The following ANKFY1 variants were observed in gnomAD, a reference collection of about 807,000 sequenced individuals.
ANKFY1 encodes the protein ankyrin repeat and FYVE domain containing 1.
ANKFY1 carries 47 observed loss-of-function variants against 128.3 expected under a neutral mutation model. That is an observed-to-expected ratio of 0.37 (90% CI 0.29 to 0.47). ANKFY1 has a LOEUF of 0.47. Ranked by LOEUF, ANKFY1 falls within the 20% of genes least tolerant of loss-of-function variation. The probability of loss-of-function intolerance (pLI) is 1.00; values close to 1 mark genes in which losing one functional copy is unlikely to be tolerated. For synonymous variants in ANKFY1, 553 were observed against 601.6 expected (o/e 0.92, Z 1.18); for missense variants, 1,222 against 1,510.6 (o/e 0.81, Z 3.17).
At chr17:4,211,667 A>G (rs2060133348) in intron 4 of ANKFY1, among the ~76,000 whole-genome samples, 1 of 151,416 alleles carries the variant, frequency 6.6e-6, no homozygotes, top group African/African-American at 2.4e-5. Flanking sequence ...CACGAGTTCA[A>G]GACCAGCCTG....
Position 4,206,464 on chromosome 17 carries a change from G to T in ANKFY1, c.755C>A (p.Ala252Glu). The change falls in exon 7 of 25, where the codon GCG (alanine) becomes GAG (glutamate). Residue 252 changes from alanine (A) to glutamate (E), a missense_variant. By Grantham distance (107) the Ala-to-Glu change is moderately radical. Coordinates refer to ENST00000341657, the MANE Select transcript of ANKFY1 (RefSeq NM_001330063.2). ...DSQLPGKLNE[A>E]DHNGDLALDL... ...TAATGCCAGATCTCCGTTATGATCCGCTTCATTCAGCTTCCCAGGGAGCTA... is the reference window on the plus strand; with the variant it reads ...TAATGCCAGATCTCCGTTATGATCCTCTTCATTCAGCTTCCCAGGGAGCTA... 1 of 1,612,836 alleles carries T rather than the reference G, an allele frequency of 6.2e-7. No homozygotes were observed. The highest frequency in any genetic ancestry group is 8.5e-7 in the Non-Finnish European group (1 of 1,178,992).
chr17:4,261,637 G>A (rs1022251467), intron 1 of ANKFY1, among the ~76,000 whole-genome samples: 6 of 152,206 alleles, frequency 3.9e-5, no homozygotes, highest in Non-Finnish European at 7.3e-5. Context: ...GGCGCTTGCC[G>A]GATGATGAGT....
Position 4,173,250 on chromosome 17 carries a change from C to T in ANKFY1, c.3014+104G>A, listed in dbSNP as rs138139817. ...GAAGCTGGTGAGGTGCCCCAGCGGC[C>T]GGTTTTGCAGCTCCTCCCTGGGGCT... On this transcript the variant is annotated intron_variant, in intron 21 of 24. Transcript: ENST00000341657. The T allele has an allele frequency of 2.5e-3, 2,672 of 1,059,604 alleles. 8 individuals carry two copies. Among genetic ancestry groups the T allele is most frequent in the Non-Finnish European group, 3.1e-3 (2,167 of 696,448 alleles). The allele number at this position is 1,059,604 out of a possible 1,614,324, so 65.6% of individuals were successfully genotyped here. A position where few individuals can be genotyped will look rare whatever the true frequency, so the allele number is the denominator to read the frequency against.
intron 8 of ANKFY1, among the ~76,000 whole-genome samples, chr17:4,196,155 ACACACAC>A (rs2059821366): frequency 3.1e-5 from 1 of 32,378 alleles, no homozygotes; most frequent in Non-Finnish European, 9.2e-5. Context: ...ACACACACAC[ACACACAC>A]ACACACACAC....
intron 3 of ANKFY1, among the ~76,000 whole-genome samples, chr17:4,227,871 C>T (rs1567961779): frequency 6.6e-6 from 1 of 152,084 alleles, no homozygotes; most frequent in Non-Finnish European, 1.5e-5. Context: ...CTATATCAAG[C>T]GTTAGTCAGG....
At position 4,169,370 on chromosome 17, in the gene ANKFY1, C is replaced by A; in HGVS notation, c.3287-82G>T. The stretch of plus-strand genomic sequence containing the variant: ...CCAGGGCTTGGAGGCAGCAGGAACA[C>A]AGACCCGTAAGTGAGGCAGCGCTGC... On this transcript the variant is annotated intron_variant, in intron 23 of 24. Transcript: ENST00000341657. The surrounding 1 kb of genome is among the most constrained non-coding windows in gnomAD (Gnocchi z 5.0). 9.2e-7 allele frequency: 1 copy of A among 1,084,086 alleles called. No individual in the cohort carries two copies. Among genetic ancestry groups the A allele is most frequent in the Admixed American group, 2.1e-5 (1 of 48,554 alleles). The allele number at this position is 1,084,086 out of a possible 1,614,324, so 67.2% of individuals were successfully genotyped here. A position where few individuals can be genotyped will look rare whatever the true frequency, so the allele number is the denominator to read the frequency against.
intron 8 of ANKFY1, 66 bp from the exon 9 acceptor site, chr17:4,195,537 C>T (rs924954011): frequency 1.3e-5 from 16 of 1,267,638 alleles, no homozygotes; most frequent in East Asian, 2.3e-5. Context: ...CACGGCAAGA[C>T]GCAACCAGAA....
At chr17:4,262,661 C>A (rs8071738) in intron 1 of ANKFY1, among the ~76,000 whole-genome samples, 1 of 151,890 alleles carries the variant, frequency 6.6e-6, no homozygotes, top group Non-Finnish European at 1.5e-5. Flanking sequence ...GCAGAAGGAT[C>A]GCTTGAGCCC....
intron 2 of ANKFY1, among the ~76,000 whole-genome samples, chr17:4,241,132 A>G (rs1212869549): frequency 6.6e-6 from 1 of 152,256 alleles, no homozygotes; most frequent in East Asian, 1.9e-4. Context: ...CTGAACATGC[A>G]TCTATTGATT....
intron 7 of ANKFY1, among the ~76,000 whole-genome samples, chr17:4,200,429 G>T (rs1397249076): frequency 1.3e-5 from 2 of 152,192 alleles, no homozygotes; most frequent in Non-Finnish European, 1.5e-5. Context: ...CTTGCAACTT[G>T]AAGTCCCCAT....
chr17:4,259,407 G>A (rs1968289428), intron 1 of ANKFY1, among the ~76,000 whole-genome samples: 1 of 152,138 alleles, frequency 6.6e-6, no homozygotes, highest in South Asian at 2.1e-4. Context: ...CAAGTCTCCT[G>A]AGCAGCTGGG....
rs1335948596 is a variant in ANKFY1 at position 4,223,205 on chromosome 17, C to G, written c.323-6087G>C. ...GCTGCAAAGTCTTCATCACAGAAAT[C>G]TTCTTCCTATTACTCATGGGTGTAT... On this transcript the variant is annotated intron_variant, in intron 3 of 24. Coordinates refer to ENST00000341657, the MANE Select transcript of ANKFY1 (RefSeq NM_001330063.2). The G allele has an allele frequency of 1.3e-5, 10 of 788,454 alleles. No homozygotes were observed. The South Asian group carries it at 1.4e-4, about 11-fold the overall frequency. The allele number at this position is 788,454 out of a possible 1,614,324, so 48.8% of individuals were successfully genotyped here.
chr17:4,185,779 G>A (rs185712499), intron 11 of ANKFY1, among the ~76,000 whole-genome samples: 5 of 151,792 alleles, frequency 3.3e-5, no homozygotes, highest in Admixed American at 2.6e-4. Context: ...TGCTTATCAC[G>A]ACAGAACAAT....
intron 1 of ANKFY1, among the ~76,000 whole-genome samples, chr17:4,256,460 T>C (rs1246277607): frequency 6.6e-6 from 1 of 152,056 alleles, no homozygotes; most frequent in South Asian, 2.1e-4. Context: ...TTAACTGTAC[T>C]GTGCAGGGTT....
At chr17:4,221,901 G>A (rs1491003436) in intron 3 of ANKFY1, among the ~76,000 whole-genome samples, 1 of 152,198 alleles carries the variant, frequency 6.6e-6, no homozygotes, top group Non-Finnish European at 1.5e-5. Flanking sequence ...ACAGGTGTGA[G>A]CCACCATGCC....
chr17:4,232,419 T>G (rs1032883477), intron 3 of ANKFY1, among the ~76,000 whole-genome samples: 4 of 152,172 alleles, frequency 2.6e-5, no homozygotes, highest in African/African-American at 9.7e-5. Context: ...CACTACCACC[T>G]TGGACCTCTC....
At chr17:4,194,104 T>TATATATA (rs58136411) in intron 10 of ANKFY1, among the ~76,000 whole-genome samples, 47 of 43,042 alleles carry the variant, frequency 1.1e-3, no homozygotes, top group African/African-American at 3.3e-3. Context: ...TATATATATA[T>TATATATA]TTTTTTTTTT....
At chr17:4,192,899 C>T (rs1488072640) in intron 10 of ANKFY1, among the ~76,000 whole-genome samples, 2 of 152,054 alleles carry the variant, frequency 1.3e-5, no homozygotes, top group African/African-American at 4.8e-5. Context: ...ATTAAAAAAA[C>T]TAGTGGACTA....
At chr17:4,222,036 A>G (rs1300854374) in intron 3 of ANKFY1, 2 of 152,130 alleles carry the variant, frequency 1.3e-5, no homozygotes, top group Non-Finnish European at 2.9e-5. Flanking sequence ...GCCACAGGCT[A>G]GCGGCTTGAT....
Sources: gnomAD v4.1 joint callset for allele counts (sites outside exome capture counted in the v4.1 genomes callset) on GRCh38, gnomAD v4.1.1 for gene constraint, Gnocchi (gnomAD v3.1) non-coding constraint, MANE v1.5 for transcripts, NCBI Gene and HGNC (gene_info 2026-07-23, HGNC 2026-07-21) for gene names.